The following TDRD6 variants were observed in gnomAD, a reference collection of about 807,000 sequenced individuals.
The protein encoded by TDRD6 is tudor domain containing 6.
Under a neutral mutation model 157.5 loss-of-function variants are expected in TDRD6, and 186 were observed. That is an observed-to-expected ratio of 1.18 (90% confidence interval 1.05 to 1.33). The LOEUF is 1.33. Among genes scored for constraint, TDRD6 ranks in the 40% most tolerant of loss-of-function variants. TDRD6 has a pLI of 0.00. For missense variants in TDRD6, 3,066 were observed against 2,508.0 expected (o/e 1.22, Z -4.75); for synonymous variants, 1,075 against 945.2 (o/e 1.14, Z -2.52).
the TDRD6 span, among the ~76,000 whole-genome samples, chr6:46,682,257 A>G: frequency 2.0e-5 from 3 of 152,170 alleles, no homozygotes; most frequent in South Asian, 2.1e-4. Context: ...AACAAAACAT[A>G]TATCAACAGA....
In TDRD6 at chr6:46,693,209, A is replaced by G; in HGVS notation, c.5081A>G (p.Lys1694Arg). The G allele has an allele frequency of 6.2e-7, 1 of 1,610,738 alleles. No individual in the cohort carries two copies. Among genetic ancestry groups the G allele is most frequent in the East Asian group, 2.2e-5 (1 of 44,836 alleles). ...LKSKGKSINE[K>R]MEKYSKTGIK... Reference sequence around the variant, plus strand: ...AGCAAAGGTAAAAGTATTAATGAGAAAATGGAGAAATATTCTAAGACTGGT... The same window carrying G: ...AGCAAAGGTAAAAGTATTAATGAGAGAATGGAGAAATATTCTAAGACTGGT... Residue 1694 changes from lysine to arginine, a missense_variant, in exon 1 of 4, where the codon AAA (lysine) becomes AGA (arginine). Coordinates refer to ENST00000316081, the MANE Select transcript of TDRD6 (RefSeq NM_001010870.3).
At position 46,690,386 on chromosome 6, in the gene TDRD6, A is replaced by G. The variant is rs200359561; in HGVS notation, c.2258A>G (p.Gln753Arg). The part of the protein sequence containing the change: ...KRASVYFPLM[Q>R]NCLEIKPGSS... ...GCATCTGTTTATTTTCCTCTTATGC[A>G]GAATTGCTTGGAAATTAAGCCAGGC... The change falls in exon 1 of 4, where the codon CAG becomes CGG. Residue 753 changes from glutamine (Q) to arginine (R), a missense_variant. Gln to Arg is a conservative substitution (Grantham distance 43). Transcript: ENST00000316081. The G allele has an allele frequency of 1.2e-6, 2 of 1,613,918 alleles. No homozygotes were observed. The highest frequency in any genetic ancestry group is 2.2e-5 in the East Asian group (1 of 44,888).
rs765127063 is a variant in TDRD6, at chr6:46,692,244, T to A, written c.4116T>A (p.Ala1372=). 10 of 1,614,082 alleles carry A rather than the reference T, an allele frequency of 6.2e-6. No individual in the cohort carries two copies. The highest frequency in any genetic ancestry group is 5.0e-5 in the Admixed American group (3 of 60,022). The part of the protein sequence containing the change: ...VFPEDNLWYR[A]VIKEQQPNDL... Reference sequence around the variant, plus strand: ...CAGAAGATAATTTATGGTATCGTGCTGTGATCAAGGAGCAACAACCCAATG... The same window carrying A: ...CAGAAGATAATTTATGGTATCGTGCAGTGATCAAGGAGCAACAACCCAATG... The change falls in exon 1 of 4, where the codon GCT becomes GCA. Residue 1372 remains alanine (A), a synonymous_variant. Coordinates refer to ENST00000316081, the MANE Select transcript of TDRD6 (RefSeq NM_001010870.3).
In TDRD6 at chr6:46,693,487, A is replaced by G; in HGVS notation, c.5359A>G (p.Lys1787Glu). 6.2e-7 allele frequency: 1 copy of G among 1,613,936 alleles called. No individual in the cohort carries two copies. Among genetic ancestry groups the G allele is most frequent in the East Asian group, 2.2e-5 (1 of 44,876 alleles). ...CEGFENPCKD[K>E]IDTEELEGEL... ...AGGGTTTGAAAACCCCTGCAAAGAT[A>G]AAATTGATACTGAGGAACTGGAAGG... Residue 1787 changes from lysine (K) to glutamate (E), a missense_variant, in exon 1 of 4, where the codon AAA becomes GAA. By Grantham distance (56) the Lys-to-Glu change is moderately conservative. Coordinates refer to ENST00000316081, the MANE Select transcript of TDRD6 (RefSeq NM_001010870.3).
chr6:46,688,015 G>T lies in TDRD6; in HGVS notation c.-114G>T. The T allele has an allele frequency of 7.3e-7, 1 of 1,366,170 alleles. No homozygotes were observed. Among genetic ancestry groups the T allele is most frequent in the Non-Finnish European group, 9.4e-7 (1 of 1,060,948 alleles). The allele number at this position is 1,366,170 out of a possible 1,614,324, so 84.6% of individuals were successfully genotyped here. ...CTCGCCGGCATTCTTCCCCTCCACTGGGTCCTTTGAACCTAGTTTGGCTGG... is the reference window on the plus strand; with the variant it reads ...CTCGCCGGCATTCTTCCCCTCCACTTGGTCCTTTGAACCTAGTTTGGCTGG... On this transcript the variant is annotated 5_prime_UTR_variant, in exon 1 of 4. Coordinates refer to ENST00000316081, the MANE Select transcript of TDRD6 (RefSeq NM_001010870.3).
In TDRD6 at chr6:46,692,788, G is replaced by T. The variant is rs754787725; in HGVS notation, c.4660G>T (p.Ala1554Ser). ...LQCLEVEVQT[A>S]GEQVADRRNC... ...GTGTTTAGAAGTAGAAGTACAGACTGCTGGAGAACAGGTAGCAGACAGGAG... is the reference window on the plus strand; with the variant it reads ...GTGTTTAGAAGTAGAAGTACAGACTTCTGGAGAACAGGTAGCAGACAGGAG... The change falls in exon 1 of 4, where the codon GCT becomes TCT. Residue 1554 changes from alanine (A) to serine (S), a missense_variant. Coordinates refer to ENST00000316081, the MANE Select transcript of TDRD6 (RefSeq NM_001010870.3). 6 of 1,614,172 alleles carry T rather than the reference G, an allele frequency of 3.7e-6. No individual in the cohort carries two copies. In the Admixed American group the frequency reaches 1.0e-4, roughly 27 times the overall value.
chr6:46,681,418 C>T, the TDRD6 span: 5 of 385,960 alleles, frequency 1.3e-5, no homozygotes, highest in South Asian at 2.0e-5. Flanking sequence ...ACTATTTGGC[C>T]TTCATTGATG....
upstream of TDRD6, among the ~76,000 whole-genome samples, chr6:46,685,923 C>T (rs1764080554): frequency 6.6e-6 from 1 of 152,048 alleles, no homozygotes; most frequent in African/African-American, 2.4e-5. Flanking sequence ...AGTGCAATGA[C>T]CTGATTTTTA....
chr6:46,691,106 C>T lies in TDRD6; in HGVS notation c.2978C>T (p.Thr993Met), dbSNP rs369734344. ...GGAAGTGAAGAATTAGTTTATATAA[C>T]GCATATTGATGACCCTTGGACATTT... ...KIGSEELVYI[T>M]HIDDPWTFYC... The change falls in exon 1 of 4, where the codon ACG (threonine) becomes ATG (methionine). Residue 993 changes from threonine (T) to methionine (M), a missense_variant. Transcript: ENST00000316081. 57 of 1,613,894 alleles carry T rather than the reference C, an allele frequency of 3.5e-5. No homozygotes were observed. Among genetic ancestry groups the T allele is most frequent in the East Asian group, 1.3e-4 (6 of 44,864 alleles).
intron 2 of TDRD6, among the ~76,000 whole-genome samples, chr6:46,696,447 G>GGT (rs533906561): frequency 0.013 from 1,354 of 103,046 alleles, 12 homozygotes; most frequent in Middle Eastern, 0.024. Context: ...AGAGTTACTT[G>GGT]GTATATATAT....
chr6:46,699,260 A>C (rs149788637), intron 3 of TDRD6, among the ~76,000 whole-genome samples: 238 of 152,224 alleles, frequency 1.6e-3, no homozygotes, highest in African/African-American at 5.5e-3. Flanking sequence ...CTGCTCCACC[A>C]CACAGTTCTG....
In TDRD6 at chr6:46,692,054, T is replaced by C. The variant is rs1359063984; in HGVS notation, c.3926T>C (p.Val1309Ala). ...ATAATGCCTGGATTTAAAACAACTG[T>C]ATATGTTTCTCATATAAATGACCTT... is the stretch of plus-strand genomic sequence containing the variant. ...KTIMPGFKTT[V>A]YVSHINDLSD... Residue 1309 changes from valine (V) to alanine (A), a missense_variant, in exon 1 of 4, where the codon GTA becomes GCA. By Grantham distance (64) the Val-to-Ala change is moderately conservative. Transcript: ENST00000316081. 6.2e-6 allele frequency: 10 copies of C among 1,613,020 alleles called. No individual in the cohort carries two copies. The highest frequency in any genetic ancestry group is 1.7e-5 in the Admixed American group (1 of 59,724).
Position 46,702,712 on chromosome 6 carries a change from C to G in TDRD6, c.*825C>G, listed in dbSNP as rs1274238534. 1 of 152,128 alleles carries G rather than the reference C, an allele frequency of 6.6e-6. No homozygotes were observed. Among genetic ancestry groups the G allele is most frequent in the African/African-American group, 2.4e-5 (1 of 41,432 alleles). 9.4% of individuals were successfully genotyped at this position (152,128 alleles called of 1,614,324 possible). A position where few individuals can be genotyped will look rare whatever the true frequency, so the allele number is the denominator to read the frequency against. ...AGCTGATGAGTCTCAGAGGCTTGATCAAACCCAGACCTACCTAACTTTGAA... is the reference window on the plus strand; with the variant it reads ...AGCTGATGAGTCTCAGAGGCTTGATGAAACCCAGACCTACCTAACTTTGAA... On this transcript the variant is annotated 3_prime_UTR_variant, in exon 4 of 4. Coordinates refer to ENST00000316081, the MANE Select transcript of TDRD6 (RefSeq NM_001010870.3).
intron 3 of TDRD6, chr6:46,700,852 A>G: frequency 3.9e-6 from 1 of 256,940 alleles, no homozygotes; most frequent in South Asian, 3.7e-5. Flanking sequence ...ATGATTCCTC[A>G]TTATAAAATC....
At position 46,690,078 on chromosome 6, in the gene TDRD6, A is replaced by G. The variant is rs1764263197; in HGVS notation, c.1950A>G (p.Arg650=). The change falls in exon 1 of 4, where the codon AGA becomes AGG. Residue 650 remains arginine (R), a synonymous_variant. Coordinates refer to ENST00000316081, the MANE Select transcript of TDRD6 (RefSeq NM_001010870.3). ...TTATTGAGATTCTTGACGAATCAAG[A>G]ACAGGGGAAGAAAACATTAGTAAGG... The part of the protein sequence containing the change: ...QYVIEILDES[R]TGEENISKVI... 1.2e-6 allele frequency: 2 copies of G among 1,614,108 alleles called. No individual in the cohort carries two copies. The highest frequency in any genetic ancestry group is 1.7e-5 in the Admixed American group (1 of 60,014).
In TDRD6 at chr6:46,691,501, A is replaced by G; in HGVS notation, c.3373A>G (p.Lys1125Glu). The G allele has an allele frequency of 1.2e-6, 2 of 1,614,076 alleles. No homozygotes were observed. Among genetic ancestry groups the G allele is most frequent in the Non-Finnish European group, 1.7e-6 (2 of 1,179,954 alleles). Residue 1125 changes from lysine to glutamate, a missense_variant, in exon 1 of 4, where the codon AAG (lysine) becomes GAG (glutamate). Transcript: ENST00000316081. ...GGAGACTATTTTAGATAAGTCATTG[A>G]AGGCTTTAGTTGTAGCAAAAGATCC... ...FQETILDKSL[K>E]ALVVAKDPDG...
At position 46,691,090 on chromosome 6, in the gene TDRD6, G is replaced by T. The variant is rs555944896; in HGVS notation, c.2962G>T (p.Glu988Ter). Reference sequence around the variant, plus strand: ...ACATGATATGAAAATTGGAAGTGAAGAATTAGTTTATATAACGCATATTGA... The same window carrying T: ...ACATGATATGAAAATTGGAAGTGAATAATTAGTTTATATAACGCATATTGA... The part of the protein sequence containing the change: ...STHDMKIGSE[E>*]LVYITHIDDP... Residue 988 changes from glutamate to a stop codon, truncating the protein, a stop_gained, in exon 1 of 4, where the codon GAA (glutamate) becomes TAA (stop). Coordinates refer to ENST00000316081, the MANE Select transcript of TDRD6 (RefSeq NM_001010870.3). LOFTEE classifies it high-confidence loss of function. 3.1e-6 allele frequency: 5 copies of T among 1,613,752 alleles called. No homozygotes were observed. Among genetic ancestry groups the T allele is most frequent in the Non-Finnish European group, 4.2e-6 (5 of 1,179,912 alleles).
intron 2 of TDRD6, among the ~76,000 whole-genome samples, chr6:46,696,408 T>C (rs1325942728): frequency 6.7e-6 from 1 of 148,874 alleles, no homozygotes; most frequent in East Asian, 1.9e-4. Flanking sequence ...TGATCGTGTT[T>C]CTCCCGTGAT....
chr6:46,699,173 C>T (rs1485252695), intron 3 of TDRD6, among the ~76,000 whole-genome samples: 1 of 152,142 alleles, frequency 6.6e-6, no homozygotes, highest in Non-Finnish European at 1.5e-5. Flanking sequence ...TTTCTGGCTC[C>T]CAGGATCCTC....
Sources: gnomAD v4.1 joint callset for allele counts (sites outside exome capture counted in the v4.1 genomes callset) on GRCh38, gnomAD v4.1.1 for gene constraint, MANE v1.5 for transcripts, NCBI Gene and HGNC (gene_info 2026-07-23, HGNC 2026-07-21) for gene names.